ALK: variants seen among roughly 807,000 people sequenced by gnomAD.
ALK encodes ALK receptor tyrosine kinase, also known as ALK tyrosine kinase receptor.
ALK carries 74 observed loss-of-function variants against 163.1 expected under a neutral mutation model. The ratio of observed to expected loss-of-function variants is 0.45; its 90% CI spans 0.38 to 0.55. ALK has a LOEUF of 0.55. Ranked by LOEUF, ALK falls within the 20% of genes least tolerant of loss-of-function variation. The probability of loss-of-function intolerance (pLI) is 0.00; values close to 1 mark genes in which losing one functional copy is unlikely to be tolerated. For missense variants in ALK, 2,063 were observed against 2,105.3 expected, an observed-to-expected ratio of 0.98 and a Z score of 0.39; for synonymous variants, 960 against 843.2, an observed-to-expected ratio of 1.14 and a Z score of -2.40.
At position 29,821,257 on chromosome 2, in the gene ALK, T is replaced by C. The variant is rs143980890; in HGVS notation, c.667+98736A>G. Among the ~76,000 whole-genome samples the C allele has an allele frequency of 3.5e-4, 53 of 152,232 alleles. No homozygotes were observed. The East Asian group carries it at 9.5e-3, about 27-fold the overall frequency. ...CCATCTTCTCCTACCCTCGGTGTTA[T>C]AGTTTCTAGGGAGGTGGCCCTCTGA... On this transcript the variant is annotated intron_variant, in intron 1 of 28. Coordinates refer to ENST00000389048, the MANE Select transcript of ALK (RefSeq NM_004304.5).
chr2:29,318,230 T>C (rs1289010933), intron 8 of ALK, 74 bp downstream of exon 8: 37 of 1,296,480 alleles, frequency 2.9e-5, no homozygotes, highest in Non-Finnish European at 3.9e-5. Context: ...CTAGGCTACT[T>C]TCTTAATCTG....
At chr2:29,622,275 T>C (rs1041439825) in intron 3 of ALK, among the ~76,000 whole-genome samples, 2 of 152,104 alleles carry the variant, frequency 1.3e-5, no homozygotes, top group South Asian at 4.1e-4. Context: ...AATAAAGACA[T>C]ATCCGAGACT....
chr2:29,463,026 C>T (rs975754902), intron 4 of ALK, among the ~76,000 whole-genome samples: 3 of 152,106 alleles, frequency 2.0e-5, no homozygotes, highest in African/African-American at 7.2e-5. Flanking sequence ...TATTACAGCA[C>T]ATTTGGGCTG....
intron 3 of ALK, among the ~76,000 whole-genome samples, chr2:29,691,534 A>G (rs1678396092): frequency 6.6e-6 from 1 of 152,218 alleles, no homozygotes; most frequent in Non-Finnish European, 1.5e-5. Flanking sequence ...TAAAAAAAAC[A>G]GATATTCCAA....
chr2:29,495,903 G>T (rs886890421), intron 4 of ALK, among the ~76,000 whole-genome samples: 1 of 152,186 alleles, frequency 6.6e-6, no homozygotes, highest in African/African-American at 2.4e-5. Context: ...TACTTGAGAT[G>T]CTGATAAATT....
At chr2:29,461,113 C>A (rs779200424) in intron 4 of ALK, among the ~76,000 whole-genome samples, 53 of 152,294 alleles carry the variant, frequency 3.5e-4, no homozygotes, top group South Asian at 8.3e-4. Context: ...AAGAACAAGG[C>A]TCTAACTCTC....
At chr2:29,731,902 T>C (rs1379654446) in intron 1 of ALK, among the ~76,000 whole-genome samples, 1 of 152,178 alleles carries the variant, frequency 6.6e-6, no homozygotes, top group African/African-American at 2.4e-5. Context: ...CAGTGACCTG[T>C]AAAGGTGTTG....
At chr2:29,553,301 C>T (rs1209052867) in intron 3 of ALK, among the ~76,000 whole-genome samples, 5 of 152,188 alleles carry the variant, frequency 3.3e-5, no homozygotes, top group Non-Finnish European at 1.5e-5. Flanking sequence ...AAGGCACCAT[C>T]TTGAAGCAGA....
chr2:29,324,210 A>C (rs924350352), intron 6 of ALK, among the ~76,000 whole-genome samples: 5 of 152,192 alleles, frequency 3.3e-5, no homozygotes, highest in African/African-American at 1.2e-4. Flanking sequence ...ACTCTAAGAG[A>C]GACAAATTGG....
At chr2:29,624,982 T>C (rs1389620458) in intron 3 of ALK, among the ~76,000 whole-genome samples, 1 of 152,148 alleles carries the variant, frequency 6.6e-6, no homozygotes, top group Non-Finnish European at 1.5e-5. Flanking sequence ...GAAAAGGTAA[T>C]TGATAATCTC....
intron 1 of ALK, among the ~76,000 whole-genome samples, chr2:29,749,862 C>T (rs71444434): frequency 1.1e-3 from 160 of 152,330 alleles, no homozygotes; most frequent in Non-Finnish European, 1.8e-3. Flanking sequence ...TCCTGTTCCA[C>T]GGAATAGGAA....
chr2:29,804,259 C>G (rs986627047), intron 1 of ALK, among the ~76,000 whole-genome samples: 4 of 152,266 alleles, frequency 2.6e-5, no homozygotes, highest in Non-Finnish European at 5.9e-5. Context: ...CCACTGGCCC[C>G]ACAGACAGGT....
At position 29,920,672 on chromosome 2, in the gene ALK, G is replaced by C; in HGVS notation, c.-13C>G. The C allele has an allele frequency of 1.3e-6, 2 of 1,533,688 alleles. No homozygotes were observed. Among genetic ancestry groups the C allele is most frequent in the Non-Finnish European group, 1.7e-6 (2 of 1,146,646 alleles). On this transcript the variant is annotated 5_prime_UTR_variant, in exon 1 of 29. Transcript: ENST00000389048. ...CGATGGCTCCCATCCCGCCGGAGGA[G>C]GCCGTTTACACTGCTCTCCGGGCCC...
intron 5 of ALK, among the ~76,000 whole-genome samples, chr2:29,337,756 T>G (rs1667664344): frequency 6.6e-6 from 1 of 152,192 alleles, no homozygotes; most frequent in African/African-American, 2.4e-5. Context: ...GATTTTCTCC[T>G]TGGTCCAGTA....
chr2:29,326,940 C>T (rs1667283006), intron 6 of ALK, among the ~76,000 whole-genome samples: 3 of 152,192 alleles, frequency 2.0e-5, no homozygotes, highest in Non-Finnish European at 2.9e-5. Flanking sequence ...CACCATTCTG[C>T]CTCCTCCTTC....
At chr2:29,790,044 A>G (rs1664149192) in intron 1 of ALK, among the ~76,000 whole-genome samples, 1 of 152,200 alleles carries the variant, frequency 6.6e-6, no homozygotes, top group African/African-American at 2.4e-5. Flanking sequence ...TCAATTCCCG[A>G]ATGCCGTCAA....
chr2:29,824,237 G>A (rs1665132279), intron 1 of ALK, among the ~76,000 whole-genome samples: 1 of 152,276 alleles, frequency 6.6e-6, no homozygotes, highest in African/African-American at 2.4e-5. Flanking sequence ...ATGCCTGGAT[G>A]TCCAGGCAGA....
chr2:29,713,067 T>G (rs1298232841), intron 2 of ALK, among the ~76,000 whole-genome samples: 3 of 152,296 alleles, frequency 2.0e-5, no homozygotes, highest in East Asian at 1.9e-4. Context: ...AAAGAAGGAT[T>G]TGTTCCAGGC....
At chr2:29,555,665 A>G (rs1441180871) in intron 3 of ALK, among the ~76,000 whole-genome samples, 1 of 152,212 alleles carries the variant, frequency 6.6e-6, no homozygotes, top group African/African-American at 2.4e-5. Flanking sequence ...AGAAGCAGAT[A>G]GTGAAATGAC....
Sources: gnomAD v4.1 joint callset for allele counts (sites outside exome capture counted in the v4.1 genomes callset) on GRCh38, gnomAD v4.1.1 for gene constraint, MANE v1.5 for transcripts, NCBI Gene and HGNC (gene_info 2026-07-23, HGNC 2026-07-21) for gene names.